RYR2: variants seen among roughly 807,000 people sequenced by gnomAD.
RYR2 encodes the protein cardiac muscle ryanodine receptor-calcium release channel.
Under a neutral mutation model 601.1 loss-of-function variants are expected in RYR2, and 227 were observed. The observed-to-expected ratio is 0.38, with a 90% confidence interval of 0.34 to 0.42. The LOEUF (loss-of-function observed/expected upper bound fraction) is 0.42. Among genes scored for constraint, RYR2 ranks in the 10% least tolerant of loss-of-function variants. RYR2 has a pLI of 1.00. For synonymous variants in RYR2, 2,223 were observed against 2,175.1 expected (o/e 1.02, Z -0.61); for missense variants, 4,646 against 6,156.5 (o/e 0.75, Z 8.21).
intron 29 of RYR2, among the ~76,000 whole-genome samples, chr1:237,587,502 T>A (rs935840787): frequency 2.0e-5 from 3 of 152,174 alleles, no homozygotes; most frequent in Non-Finnish European, 4.4e-5. Context: ...ACCCTGCTGC[T>A]GTTTTCCTAT....
intron 2 of RYR2, among the ~76,000 whole-genome samples, chr1:237,313,220 T>C (rs1007336819): frequency 3.9e-5 from 6 of 152,198 alleles, no homozygotes; most frequent in African/African-American, 1.4e-4. Context: ...AAATATTTGC[T>C]TATGGAGTAT....
chr1:237,810,197 G>A (rs1344581291), intron 100 of RYR2, among the ~76,000 whole-genome samples: 1 of 151,876 alleles, frequency 6.6e-6, no homozygotes, highest in Non-Finnish European at 1.5e-5. Flanking sequence ...AAGTCGTAAA[G>A]GCAAATGGTA....
intron 10 of RYR2, among the ~76,000 whole-genome samples, chr1:237,393,964 C>A (rs1702604838): frequency 6.6e-6 from 1 of 151,694 alleles, no homozygotes; most frequent in African/African-American, 2.4e-5. Context: ...TGGATCTTGG[C>A]AAAAATGAAA....
At chr1:237,782,335 T>G (rs1262706630) in intron 89 of RYR2, among the ~76,000 whole-genome samples, 1 of 152,166 alleles carries the variant, frequency 6.6e-6, no homozygotes, top group Non-Finnish European at 1.5e-5. Context: ...TTTCCTCCTC[T>G]GCAAAATAGA....
At chr1:237,726,429 T>C (rs1219337657) in intron 75 of RYR2, 121 bp downstream of exon 75, 1 of 663,512 alleles carries the variant, frequency 1.5e-6, no homozygotes, top group African/African-American at 1.9e-5. Flanking sequence ...CTATTAGTTA[T>C]ATAAATAACT....
At chr1:237,641,479 T>G (rs770791308) in intron 47 of RYR2, among the ~76,000 whole-genome samples, 2 of 26,082 alleles carry the variant, frequency 7.7e-5, no homozygotes, top group Non-Finnish European at 1.9e-4. Flanking sequence ...CTGTCTTTCT[T>G]TCTTTCTTTC....
intron 34 of RYR2, among the ~76,000 whole-genome samples, chr1:237,596,022 C>T (rs1216626861): frequency 6.6e-6 from 1 of 152,042 alleles, no homozygotes; most frequent in Non-Finnish European, 1.5e-5. Context: ...CCTACCCAAC[C>T]GGTACCCTAG....
intron 29 of RYR2, among the ~76,000 whole-genome samples, chr1:237,576,910 G>T (rs1673280432): frequency 1.3e-5 from 2 of 152,166 alleles, no homozygotes; most frequent in Admixed American, 6.5e-5. Context: ...ATAATTAAAT[G>T]CTATTTTACA....
chr1:237,317,476 C>G (rs892195568), intron 2 of RYR2, among the ~76,000 whole-genome samples: 1 of 151,960 alleles, frequency 6.6e-6, no homozygotes, highest in Admixed American at 6.5e-5. Context: ...TTTCTAATTC[C>G]ATGTTTCAGA....
At chr1:237,101,218 G>C (rs1251342689) in intron 1 of RYR2, among the ~76,000 whole-genome samples, 1 of 149,698 alleles carries the variant, frequency 6.7e-6, no homozygotes, top group African/African-American at 2.5e-5. Flanking sequence ...CTTGGCTTTG[G>C]CCATTTTGTT....
intron 26 of RYR2, 47 bp downstream of exon 26, chr1:237,548,637 T>C: frequency 1.3e-6 from 2 of 1,595,690 alleles, no homozygotes; most frequent in Non-Finnish European, 1.7e-6. Flanking sequence ...AAGTGGGAAT[T>C]AGCATAATTT....
intron 2 of RYR2, among the ~76,000 whole-genome samples, chr1:237,289,613 A>G (rs1370443766): frequency 6.6e-6 from 1 of 151,954 alleles, no homozygotes; most frequent in Non-Finnish European, 1.5e-5. Flanking sequence ...AACCATCACC[A>G]TGATTCAATT....
chr1:237,573,529 G>T (rs1572929122), intron 29 of RYR2, among the ~76,000 whole-genome samples: 1 of 148,898 alleles, frequency 6.7e-6, no homozygotes, highest in South Asian at 2.2e-4. Flanking sequence ...GAAGAGGATA[G>T]GGTTGTTCTA....
chr1:237,453,796 T>G, intron 14 of RYR2, among the ~76,000 whole-genome samples: 1 of 152,170 alleles, frequency 6.6e-6, no homozygotes, highest in Middle Eastern at 3.2e-3. Flanking sequence ...CAGTAATATA[T>G]CTTTCTTCCA....
chr1:237,664,178 G>A (rs1235123157), intron 56 of RYR2, among the ~76,000 whole-genome samples: 7 of 152,112 alleles, frequency 4.6e-5, no homozygotes, highest in African/African-American at 1.7e-4. Context: ...AACCCGGAAG[G>A]GGAATGGAGA....
chr1:237,818,787 T>A (rs1386764726), intron 100 of RYR2, among the ~76,000 whole-genome samples: 1 of 151,592 alleles, frequency 6.6e-6, no homozygotes, highest in Non-Finnish European at 1.5e-5. Context: ...AATTTTCCAT[T>A]TTCTCCAAAG....
chr1:237,141,265 A>T (rs1171073816), intron 1 of RYR2, among the ~76,000 whole-genome samples: 2 of 152,206 alleles, frequency 1.3e-5, no homozygotes, highest in South Asian at 2.1e-4. Flanking sequence ...ATGTTTCATC[A>T]TTAATTAATG....
At chr1:237,591,945 A>G (rs1399736205) in intron 32 of RYR2, 92 bp downstream of exon 32, 4 of 889,920 alleles carry the variant, frequency 4.5e-6, no homozygotes, top group Non-Finnish European at 6.8e-6. Flanking sequence ...CATACTTAGT[A>G]ACATTATTTT....
At chr1:237,099,633 C>T (rs1216564707) in intron 1 of RYR2, among the ~76,000 whole-genome samples, 2 of 152,174 alleles carry the variant, frequency 1.3e-5, no homozygotes, top group African/African-American at 4.8e-5. Context: ...ATTAAAAATC[C>T]TACACTGTAC....
Sources: allele counts gnomAD v4.1 joint callset (sites outside exome capture counted in the v4.1 genomes callset), GRCh38; gene constraint gnomAD v4.1.1; transcripts MANE v1.5; gene names NCBI Gene and HGNC (gene_info 2026-07-23, HGNC 2026-07-21).